Variants in CHST1 observed in about 807,000 individuals in gnomAD.
CHST1 encodes Keratan sulfotransferase.
In CHST1, 10 loss-of-function variants were observed where a neutral mutation model predicts 22.5. The ratio of observed to expected loss-of-function variants is 0.44; its 90% CI spans 0.27 to 0.75. The LOEUF (loss-of-function observed/expected upper bound fraction) is 0.75. Ranked by LOEUF, CHST1 falls within the 30% of genes least tolerant of loss-of-function variation. CHST1 has a pLI of 0.15. For synonymous variants in CHST1, 267 were observed against 264.5 expected, an observed-to-expected ratio of 1.01 and a Z score of -0.09; for missense variants, 439 against 576.1, an observed-to-expected ratio of 0.76 and a Z score of 2.44.
intron 1 of CHST1, among the ~76,000 whole-genome samples, chr11:45,660,934 C>T (rs1852124508): frequency 6.6e-6 from 1 of 152,208 alleles, no homozygotes; most frequent in Non-Finnish European, 1.5e-5. Context: ...CAGCTCTAAT[C>T]AAGGAGCAAA....
chr11:45,659,477 G>T (rs1852103190), intron 1 of CHST1, among the ~76,000 whole-genome samples: 1 of 152,138 alleles, frequency 6.6e-6, no homozygotes, highest in Non-Finnish European at 1.5e-5. Context: ...CATCCCCCAG[G>T]GTCAGGTCCC....
At chr11:45,653,049 G>T (rs4148898) in intron 1 of CHST1, among the ~76,000 whole-genome samples, 109,595 of 152,196 alleles carry the variant, frequency 0.72, 42,066 homozygotes, top group Middle Eastern at 0.93. Flanking sequence ...CCCCTTTGCT[G>T]TCTGGTCCTG....
At chr11:45,651,171 T>G in intron 3 of CHST1, 2 of 411,270 alleles carry the variant, frequency 4.9e-6, no homozygotes, top group Non-Finnish European at 4.3e-6. Flanking sequence ...GAACAAACAT[T>G]CCTTGCACCC....
intron 1 of CHST1, among the ~76,000 whole-genome samples, chr11:45,654,609 T>C (rs1852037729): frequency 6.6e-6 from 1 of 152,236 alleles, no homozygotes; most frequent in Admixed American, 6.5e-5. Flanking sequence ...GACTCCTCAA[T>C]GCCCTCATCC....
Position 45,648,097 on chromosome 11 carries a change from C to A in CHST1, c.*1591G>T, listed in dbSNP as rs147507888. Among the ~76,000 whole-genome samples, 1 of 152,192 alleles carries A rather than the reference C, an allele frequency of 6.6e-6. No individual in the cohort carries two copies. The highest frequency in any genetic ancestry group is 1.5e-5 in the Non-Finnish European group (1 of 68,034). On this transcript the variant is annotated 3_prime_UTR_variant, in exon 4 of 4. Coordinates refer to ENST00000308064, the MANE Select transcript of CHST1 (RefSeq NM_003654.6). ...GGAAGGGGAGGAAGCACAGCAGATT[C>A]TCTGCCAGTGTAGACACCAGTAAAC... is the stretch of plus-strand genomic sequence containing the variant.
intron 1 of CHST1, among the ~76,000 whole-genome samples, chr11:45,661,287 G>A (rs1852129669): frequency 6.6e-6 from 1 of 152,260 alleles, no homozygotes; most frequent in Non-Finnish European, 1.5e-5. Flanking sequence ...AAGTCTGGGA[G>A]TGGGGGCAGG....
Position 45,649,473 on chromosome 11 carries a change from T to A in CHST1, c.*215A>T. ...AATGGGGGGGGGGGGGGCGGGACCC[T>A]ACTTCAGGCGCCCTCTGCCCCAGTG... is the stretch of plus-strand genomic sequence containing the variant. On this transcript the variant is annotated 3_prime_UTR_variant, in exon 4 of 4. Transcript: ENST00000308064. The A allele has an allele frequency of 5.4e-6, 3 of 555,518 alleles. No individual in the cohort carries two copies. The African/African-American group carries it at 6.0e-5, about 11-fold the overall frequency. 34.4% of individuals were successfully genotyped at this position (555,518 alleles called of 1,614,324 possible).
intron 1 of CHST1, among the ~76,000 whole-genome samples, chr11:45,657,941 C>G (rs1017743785): frequency 6.6e-6 from 1 of 152,226 alleles, no homozygotes; most frequent in Non-Finnish European, 1.5e-5. Context: ...GTTTCCAAGA[C>G]AAGCACCTGG....
In CHST1 at chr11:45,650,624, G is replaced by A. The variant is rs1484560007; in HGVS notation, c.300C>T (p.Leu100=). The change falls in exon 4 of 4, where the codon CTC becomes CTT. Residue 100 remains leucine (L), a synonymous_variant. Transcript: ENST00000308064. The part of the protein sequence containing the change: ...FEPLYHVQNT[L]IPRFTQGKSP... ...TCTTGCCCTGGGTGAAGCGGGGGAT[G>A]AGCGTGTTCTGGACGTGGTAGAGGG... 3.7e-6 allele frequency: 6 copies of A among 1,613,988 alleles called. No individual in the cohort carries two copies. Among genetic ancestry groups the A allele is most frequent in the Non-Finnish European group, 5.1e-6 (6 of 1,179,996 alleles).
rs1852180179 is a variant in CHST1 at position 45,665,020 on chromosome 11, A to C, written c.-227+158T>G. On this transcript the variant is annotated intron_variant, in intron 1 of 3. Transcript: ENST00000308064. The surrounding 1 kb of genome is among the most constrained non-coding windows in gnomAD (Gnocchi z 4.0). ...CCGGCAGCCCCTTCCTGCGCCCAAC[A>C]CGCCGCCGTTCCTCGCCGCCGCCAC... 6.6e-6 allele frequency among the ~76,000 whole-genome samples: 1 copy of C among 151,778 alleles called. No individual in the cohort carries two copies. Among genetic ancestry groups the C allele is most frequent in the Non-Finnish European group, 1.5e-5 (1 of 67,876 alleles).
At chr11:45,656,235 T>C (rs1852060800) in intron 1 of CHST1, among the ~76,000 whole-genome samples, 1 of 152,010 alleles carries the variant, frequency 6.6e-6, no homozygotes, top group African/African-American at 2.4e-5. Context: ...TTCCCGAACC[T>C]CTGAAAGCCC....
rs761653590 is a variant in CHST1, at chr11:45,650,075, C to T, written c.849G>A (p.Val283=). ...TTVCEDFSNS[V]STGLMRPPWL... ...ACGGGGGCCGCATGAGGCCGGTGGA[C>T]ACGGAGTTGGAGAAGTCCTCGCACA... Residue 283 remains valine, a synonymous_variant, in exon 4 of 4, where the codon GTG becomes GTA. Coordinates refer to ENST00000308064, the MANE Select transcript of CHST1 (RefSeq NM_003654.6). 9 of 1,613,980 alleles carry T rather than the reference C, an allele frequency of 5.6e-6. No homozygotes were observed. The highest frequency in any genetic ancestry group is 5.3e-5 in the African/African-American group (4 of 74,926).
At chr11:45,656,652 G>T (rs1353181293) in intron 1 of CHST1, among the ~76,000 whole-genome samples, 1 of 152,164 alleles carries the variant, frequency 6.6e-6, no homozygotes, top group Non-Finnish European at 1.5e-5. Context: ...CATGTAGGAA[G>T]TAGAGGGGTG....
In CHST1 at chr11:45,649,462, G is replaced by A; in HGVS notation, c.*226C>T. 1.8e-6 allele frequency: 1 copy of A among 547,226 alleles called. No individual in the cohort carries two copies. The highest frequency in any genetic ancestry group is 3.2e-6 in the Non-Finnish European group (1 of 311,934). 33.9% of individuals were successfully genotyped at this position (547,226 alleles called of 1,614,324 possible). ...CCATGTGTCTGAATGGGGGGGGGGG[G>A]GGCGGGACCCTACTTCAGGCGCCCT... On this transcript the variant is annotated 3_prime_UTR_variant, in exon 4 of 4. Coordinates refer to ENST00000308064, the MANE Select transcript of CHST1 (RefSeq NM_003654.6).
Position 45,650,438 on chromosome 11 carries a change from G to T in CHST1, c.486C>A (p.Ser162=). ...GCCCCGGAGGGTCGCACACAGGCCG[G>T]GAGCAGAGGACCCGGCTGGCCCCGC... The part of the protein sequence containing the change: ...FRRGASRVLC[S]RPVCDPPGPA... The change falls in exon 4 of 4, where the codon TCC becomes TCA. Residue 162 remains serine, a synonymous_variant. Coordinates refer to ENST00000308064, the MANE Select transcript of CHST1 (RefSeq NM_003654.6). The T allele has an allele frequency of 6.2e-7, 1 of 1,610,660 alleles. No homozygotes were observed. Among genetic ancestry groups the T allele is most frequent in the Non-Finnish European group, 8.5e-7 (1 of 1,179,830 alleles).
At chr11:45,659,680 A>G (rs1031354271) in intron 1 of CHST1, among the ~76,000 whole-genome samples, 1 of 152,226 alleles carries the variant, frequency 6.6e-6, no homozygotes, top group African/African-American at 2.4e-5. Flanking sequence ...CAGAAGTCCA[A>G]ACACACTGTG....
In CHST1 at chr11:45,649,739, C is replaced by T; in HGVS notation, c.1185G>A (p.Lys395=). ...CCTCCACCAGGCTGACCGAGGGGTT[C>T]TTCAGCTCCTCCTCCGAGGCGGCGA... ...YKIAASEEEL[K]NPSVSLVEER... is the part of the protein sequence containing the mutation. Residue 395 remains lysine (K), a synonymous_variant, in exon 4 of 4, where the codon AAG becomes AAA. Transcript: ENST00000308064. 1 of 1,607,542 alleles carries T rather than the reference C, an allele frequency of 6.2e-7. No homozygotes were observed. Among genetic ancestry groups the T allele is most frequent in the Non-Finnish European group, 8.5e-7 (1 of 1,178,160 alleles).
At chr11:45,661,235 G>C (rs888525067) in intron 1 of CHST1, among the ~76,000 whole-genome samples, 1 of 152,236 alleles carries the variant, frequency 6.6e-6, no homozygotes, top group African/African-American at 2.4e-5. Flanking sequence ...CAAGGGCCCC[G>C]GGTGGAGAAG....
chr11:45,663,843 G>T (rs1424577853), intron 1 of CHST1, among the ~76,000 whole-genome samples: 1 of 152,170 alleles, frequency 6.6e-6, no homozygotes, highest in Admixed American at 6.5e-5. Context: ...CTAAAGACCC[G>T]GTAGGGAGGG....
Sources: gnomAD v4.1 joint callset for allele counts (sites outside exome capture counted in the v4.1 genomes callset) on GRCh38, gnomAD v4.1.1 for gene constraint, Gnocchi (gnomAD v3.1) non-coding constraint, MANE v1.5 for transcripts, NCBI Gene and HGNC (gene_info 2026-07-23, HGNC 2026-07-21) for gene names.